ARHGAP5: variants seen among roughly 807,000 people sequenced by gnomAD.
ARHGAP5 encodes the protein Rho GTPase activating protein 5, also known as rho GTPase-activating protein 5.
ARHGAP5 carries 23 observed loss-of-function variants against 116.6 expected under a neutral mutation model. That is an observed-to-expected ratio of 0.20 (90% CI 0.14 to 0.28). ARHGAP5 has a LOEUF of 0.28. Among genes scored for constraint, ARHGAP5 ranks in the 10% least tolerant of loss-of-function variants. The probability of loss-of-function intolerance (pLI) is 1.00; values close to 1 mark genes in which losing one functional copy is unlikely to be tolerated. For synonymous variants in ARHGAP5, 574 were observed against 602.0 expected, an observed-to-expected ratio of 0.95 and a Z score of 0.68; for missense variants, 1,405 against 1,774.8, an observed-to-expected ratio of 0.79 and a Z score of 3.74.
rs1881955686 is a variant in ARHGAP5 at position 32,157,729 on chromosome 14, A to G, written c.*2781A>G. 1 of 151,736 alleles carries G rather than the reference A, an allele frequency of 6.6e-6. No homozygotes were observed. Among genetic ancestry groups the G allele is most frequent in the Admixed American group, 6.6e-5 (1 of 15,240 alleles). 9.4% of individuals were successfully genotyped at this position (151,736 alleles called of 1,614,324 possible). On this transcript the variant is annotated 3_prime_UTR_variant, in exon 7 of 7. Coordinates refer to ENST00000345122, the MANE Select transcript of ARHGAP5 (RefSeq NM_001030055.2). Reference sequence around the variant, plus strand: ...TCCCCTTAACATTTACAGTGTAAATACTGCAGGTAACCGCAATCTAAGTTA... The same window carrying G: ...TCCCCTTAACATTTACAGTGTAAATGCTGCAGGTAACCGCAATCTAAGTTA...
intron 2 of ARHGAP5, among the ~76,000 whole-genome samples, chr14:32,096,658 G>A (rs1878541075): frequency 6.6e-6 from 1 of 152,144 alleles, no homozygotes; most frequent in Non-Finnish European, 1.5e-5. Context: ...TAAATAAATT[G>A]TGAAGTAGTA....
At chr14:32,095,843 A>G (rs1878500692) in intron 2 of ARHGAP5, among the ~76,000 whole-genome samples, 1 of 152,160 alleles carries the variant, frequency 6.6e-6, no homozygotes, top group Non-Finnish European at 1.5e-5. Flanking sequence ...AAAAACTTTA[A>G]TATTTTTCTC....
At chr14:32,132,584 G>A (rs879579689) in intron 3 of ARHGAP5, among the ~76,000 whole-genome samples, 4 of 152,194 alleles carry the variant, frequency 2.6e-5, no homozygotes, top group Non-Finnish European at 4.4e-5. Flanking sequence ...AAACTCTTTA[G>A]TTTAATTAGA....
rs759125601 is a variant in ARHGAP5 at position 32,094,182 on chromosome 14, A to C, written c.3513A>C (p.Thr1171=). Residue 1171 remains threonine, a synonymous_variant, in exon 2 of 7, where the codon ACA becomes ACC. Transcript: ENST00000345122. ...FSKAKSYYRR[T]HSDASDDEAF... ...AAGCCAAGTCATACTATAGAAGAAC[A>C]CATTCAGATGCCAGTGATGATGAGG... 6.2e-7 allele frequency: 1 copy of C among 1,612,700 alleles called. No individual in the cohort carries two copies. Among genetic ancestry groups the C allele is most frequent in the Non-Finnish European group, 8.5e-7 (1 of 1,179,722 alleles).
chr14:32,151,014 G>A (rs986612763), intron 5 of ARHGAP5, among the ~76,000 whole-genome samples: 1 of 152,030 alleles, frequency 6.6e-6, no homozygotes, highest in Non-Finnish European at 1.5e-5. Context: ...AAGTCTTCAG[G>A]TTATTTTAGA....
rs1382530574 is a variant in ARHGAP5, at chr14:32,155,704, A to T, written c.*756A>T. The T allele has an allele frequency of 6.6e-6, 1 of 152,628 alleles. No individual in the cohort carries two copies. The highest frequency in any genetic ancestry group is 1.5e-5 in the Non-Finnish European group (1 of 68,016). 9.5% of individuals were successfully genotyped at this position (152,628 alleles called of 1,614,324 possible). A position where few individuals can be genotyped will look rare whatever the true frequency, so the allele number is the denominator to read the frequency against. On this transcript the variant is annotated 3_prime_UTR_variant, in exon 7 of 7. Transcript: ENST00000345122. ...AATTTTGTATACTGTTAATTCTGTA[A>T]ACAGATGCATGTTCAAAAGATCTAT... is the stretch of plus-strand genomic sequence containing the variant.
chr14:32,131,810 C>G (rs900617557), intron 3 of ARHGAP5, among the ~76,000 whole-genome samples: 2 of 152,156 alleles, frequency 1.3e-5, no homozygotes, highest in Non-Finnish European at 2.9e-5. Context: ...ATTCAGTTCC[C>G]ACCTATGAGT....
intron 3 of ARHGAP5, among the ~76,000 whole-genome samples, chr14:32,129,762 C>T (rs948820108): frequency 1.3e-5 from 2 of 152,046 alleles, no homozygotes; most frequent in Admixed American, 1.3e-4. Flanking sequence ...ATGTTCACTC[C>T]CTTGCATACT....
intron 3 of ARHGAP5, among the ~76,000 whole-genome samples, chr14:32,118,496 C>CAA (rs879402795): frequency 7.2e-6 from 1 of 138,396 alleles, no homozygotes; most frequent in Non-Finnish European, 1.6e-5. Context: ...GACTCCATCT[C>CAA]AAAAAAAAAA....
chr14:32,124,675 A>T (rs1880054202), intron 3 of ARHGAP5, among the ~76,000 whole-genome samples: 1 of 152,234 alleles, frequency 6.6e-6, no homozygotes, highest in Non-Finnish European at 1.5e-5. Context: ...TGGCAGTTTC[A>T]TAGTACATTC....
intron 2 of ARHGAP5, among the ~76,000 whole-genome samples, chr14:32,096,100 T>G: frequency 6.6e-6 from 1 of 152,082 alleles, no homozygotes; most frequent in East Asian, 1.9e-4. Flanking sequence ...GCTGTGTGTG[T>G]GCGTGCGCAC....
At chr14:32,147,619 C>T (rs1483180006) in intron 4 of ARHGAP5, among the ~76,000 whole-genome samples, 1 of 151,982 alleles carries the variant, frequency 6.6e-6, no homozygotes, top group Non-Finnish European at 1.5e-5. Context: ...ATAAGCATGC[C>T]AAGATATACT....
Position 32,152,331 on chromosome 14 carries a change from T to G in ARHGAP5, c.4076-92T>G, listed in dbSNP as rs1881673320. 4 of 860,098 alleles carry G rather than the reference T, an allele frequency of 4.7e-6. No homozygotes were observed. In the East Asian group the frequency reaches 1.1e-4, roughly 23 times the overall value. 53.3% of individuals were successfully genotyped at this position (860,098 alleles called of 1,614,324 possible). The stretch of plus-strand genomic sequence containing the variant: ...ATCCTAATATGCTTTAAACACATTC[T>G]TGACTGTTATAGTAAATATAGCAGG... On this transcript the variant is annotated intron_variant, in intron 5 of 6. Coordinates refer to ENST00000345122, the MANE Select transcript of ARHGAP5 (RefSeq NM_001030055.2).
intron 1 of ARHGAP5, 62 bp downstream of exon 1, chr14:32,077,497 C>A: frequency 3.0e-6 from 2 of 672,354 alleles, no homozygotes; most frequent in Non-Finnish European, 5.4e-6. Context: ...GGGGACCCTC[C>A]TGCGGCTAGC....
chr14:32,127,926 C>T (rs1172393751), intron 3 of ARHGAP5, among the ~76,000 whole-genome samples: 4 of 147,070 alleles, frequency 2.7e-5, no homozygotes, highest in African/African-American at 5.1e-5. Context: ...AGTTCCCAGA[C>T]GTGGTCACGG....
intron 3 of ARHGAP5, among the ~76,000 whole-genome samples, chr14:32,140,902 A>AGTG (rs1881095766): frequency 6.6e-6 from 1 of 152,188 alleles, no homozygotes; most frequent in African/African-American, 2.4e-5. Context: ...TCATTATTAT[A>AGTG]GTGGACTACT....
intron 3 of ARHGAP5, among the ~76,000 whole-genome samples, chr14:32,141,695 T>C (rs1334516990): frequency 6.6e-6 from 1 of 152,202 alleles, no homozygotes; most frequent in Non-Finnish European, 1.5e-5. Context: ...ACATGTATAC[T>C]AGTGACAATC....
rs532684159 is a variant in ARHGAP5, at chr14:32,114,904, A to G, written c.3718-2236A>G. 3.9e-3 allele frequency among the ~76,000 whole-genome samples: 588 copies of G among 152,302 alleles called. 5 individuals carry two copies. Among genetic ancestry groups the G allele is most frequent in the African/African-American group, 0.014 (563 of 41,548 alleles). On this transcript the variant is annotated intron_variant, in intron 2 of 6. Coordinates refer to ENST00000345122, the MANE Select transcript of ARHGAP5 (RefSeq NM_001030055.2). ...TGCGCCTTCCCCTGCCCACACATAT[A>G]CATTTTTCTGATTAAAAATGATACC...
At chr14:32,130,336 T>C (rs1413889539) in intron 3 of ARHGAP5, among the ~76,000 whole-genome samples, 2 of 149,420 alleles carry the variant, frequency 1.3e-5, no homozygotes, top group East Asian at 2.0e-4. Flanking sequence ...CTCAGACTCC[T>C]GAGTAGCTGG....
Sources: allele counts gnomAD v4.1 joint callset (sites outside exome capture counted in the v4.1 genomes callset), GRCh38; gene constraint gnomAD v4.1.1; transcripts MANE v1.5; gene names NCBI Gene and HGNC (gene_info 2026-07-23, HGNC 2026-07-21).